The following MYO3B variants were observed in gnomAD, a reference collection of about 807,000 sequenced individuals.
MYO3B encodes the protein myosin-IIIb.
A neutral mutation model predicts 174.6 loss-of-function variants in MYO3B; 156 were observed. The ratio of observed to expected loss-of-function variants is 0.89; its 90% CI spans 0.78 to 1.02. MYO3B has a LOEUF of 1.02. Among genes scored for constraint, MYO3B ranks in the 50% least tolerant of loss-of-function variants. MYO3B has a pLI of 0.00. For missense variants in MYO3B, 1,632 were observed against 1,639.4 expected, an observed-to-expected ratio of 1.00 and a Z score of 0.08; for synonymous variants, 563 against 569.1, an observed-to-expected ratio of 0.99 and a Z score of 0.15.
chr2:170,471,260 G>A (rs1240399768), intron 25 of MYO3B, among the ~76,000 whole-genome samples: 1 of 152,016 alleles, frequency 6.6e-6, no homozygotes, highest in Non-Finnish European at 1.5e-5. Context: ...ATGTTGGTCA[G>A]GGTGGTCTCG....
At chr2:170,341,790 G>A (rs1286528750) in intron 8 of MYO3B, among the ~76,000 whole-genome samples, 1 of 152,126 alleles carries the variant, frequency 6.6e-6, no homozygotes, top group African/African-American at 2.4e-5. Flanking sequence ...AAAGCTATGT[G>A]TGAACTTCAA....
At chr2:170,267,198 C>T (rs1217716193) in intron 7 of MYO3B, among the ~76,000 whole-genome samples, 1 of 152,196 alleles carries the variant, frequency 6.6e-6, no homozygotes, top group Non-Finnish European at 1.5e-5. Flanking sequence ...GGAACCCAGC[C>T]TGACAGAGGC....
At chr2:170,207,509 G>A (rs751558586) in intron 3 of MYO3B, among the ~76,000 whole-genome samples, 61 of 152,172 alleles carry the variant, frequency 4.0e-4, no homozygotes, top group African/African-American at 8.2e-4. Flanking sequence ...TTCTGCCATC[G>A]TGTCAGGCTT....
chr2:170,584,182 T>C (rs999958885), intron 32 of MYO3B, among the ~76,000 whole-genome samples: 2 of 152,252 alleles, frequency 1.3e-5, no homozygotes, highest in African/African-American at 4.8e-5. Context: ...TCATCCAGGA[T>C]TGTGGTCCCC....
chr2:170,554,250 G>A (rs1335836713), intron 32 of MYO3B, among the ~76,000 whole-genome samples: 1 of 152,204 alleles, frequency 6.6e-6, no homozygotes, highest in African/African-American at 2.4e-5. Flanking sequence ...TGAGGGCTCT[G>A]TTCAAAACTG....
At chr2:170,383,875 G>C (rs992128419) in intron 12 of MYO3B, 61 bp downstream of exon 12, 22 of 1,338,822 alleles carry the variant, frequency 1.6e-5, no homozygotes, top group Non-Finnish European at 2.3e-5. Context: ...TGTCTTCCTC[G>C]TCAACTCCTA....
At chr2:170,419,212 C>T (rs538877576) in intron 22 of MYO3B, among the ~76,000 whole-genome samples, 27 of 152,140 alleles carry the variant, frequency 1.8e-4, no homozygotes, top group Non-Finnish European at 2.6e-4. Context: ...TGTCAGCCTC[C>T]GAGGATCAGG....
chr2:170,385,627 A>G (rs1175666394), intron 12 of MYO3B, among the ~76,000 whole-genome samples: 1 of 152,206 alleles, frequency 6.6e-6, no homozygotes, highest in Non-Finnish European at 1.5e-5. Context: ...TGTAAAAGAA[A>G]AGCCTCTTAA....
intron 8 of MYO3B, among the ~76,000 whole-genome samples, chr2:170,358,441 G>T (rs2105634517): frequency 6.6e-6 from 1 of 152,194 alleles, no homozygotes; most frequent in African/African-American, 2.4e-5. Flanking sequence ...GGGAGTATAG[G>T]GTGTGAATGC....
At chr2:170,627,100 C>T (rs1170404989) in intron 32 of MYO3B, among the ~76,000 whole-genome samples, 1 of 151,992 alleles carries the variant, frequency 6.6e-6, no homozygotes, top group Non-Finnish European at 1.5e-5. Context: ...TGTTGGCCTG[C>T]CTTGCTAGGT....
At chr2:170,451,804 G>A (rs1683608262) in intron 23 of MYO3B, among the ~76,000 whole-genome samples, 1 of 152,180 alleles carries the variant, frequency 6.6e-6, no homozygotes, top group Admixed American at 6.5e-5. Flanking sequence ...AGGAAAGCTT[G>A]CAGTTTTCAG....
At chr2:170,522,626 C>T (rs1688747621) in intron 30 of MYO3B, among the ~76,000 whole-genome samples, 1 of 152,158 alleles carries the variant, frequency 6.6e-6, no homozygotes, top group African/African-American at 2.4e-5. Context: ...TGTTCCACGC[C>T]TCTCTCTAGC....
intron 32 of MYO3B, among the ~76,000 whole-genome samples, chr2:170,623,021 C>T (rs866240931): frequency 5.9e-5 from 9 of 152,070 alleles, no homozygotes; most frequent in African/African-American, 1.4e-4. Flanking sequence ...TGAGTAGTGC[C>T]GCAGTAAACA....
At chr2:170,373,688 G>A (rs1033262785) in intron 9 of MYO3B, among the ~76,000 whole-genome samples, 1 of 152,106 alleles carries the variant, frequency 6.6e-6, no homozygotes, top group Admixed American at 6.5e-5. Context: ...GCAAGAGGGA[G>A]TGGGTCAGGG....
intron 25 of MYO3B, among the ~76,000 whole-genome samples, chr2:170,478,077 A>G (rs886387224): frequency 2.0e-5 from 3 of 152,202 alleles, no homozygotes; most frequent in African/African-American, 4.8e-5. Context: ...CCACGTCTCT[A>G]CTATTTTTTA....
chr2:170,199,353 G>A lies in MYO3B; in HGVS notation c.148G>A (p.Gly50Arg), dbSNP rs774459102. Residue 50 changes from glycine to arginine, a missense_variant, in exon 2 of 35, where the codon GGG becomes AGG. By Grantham distance (125) the Gly-to-Arg change is moderately radical. Coordinates refer to ENST00000408978, the MANE Select transcript of MYO3B (RefSeq NM_138995.5). ...CTACAAGGTAACTAACAAGAGAGAT[G>A]GGAGCCTGGCTGCAGTGAAAATTCT... ...KVYKVTNKRD[G>R]SLAAVKILDP... 2.7e-5 allele frequency: 43 copies of A among 1,612,568 alleles called. No individual in the cohort carries two copies. Among genetic ancestry groups the A allele is most frequent in the Non-Finnish European group, 3.6e-5 (42 of 1,179,390 alleles).
chr2:170,403,020 A>G (rs775387515), intron 19 of MYO3B, 25 bp downstream of exon 19: 3 of 1,549,952 alleles, frequency 1.9e-6, no homozygotes, highest in Admixed American at 3.4e-5. Context: ...TGAGGTAACT[A>G]AACTTGATGG....
chr2:170,282,362 A>C (rs970451120), intron 7 of MYO3B, among the ~76,000 whole-genome samples: 4 of 152,254 alleles, frequency 2.6e-5, no homozygotes, highest in Non-Finnish European at 5.9e-5. Context: ...GGAAAAGGTG[A>C]CCTTTCTCAC....
At chr2:170,273,355 A>G (rs534586742) in intron 7 of MYO3B, among the ~76,000 whole-genome samples, 1 of 152,122 alleles carries the variant, frequency 6.6e-6, no homozygotes, top group South Asian at 2.1e-4. Context: ...CTTGCTGTAT[A>G]TTATCCCAAT....
Sources: gnomAD v4.1 joint callset for allele counts (sites outside exome capture counted in the v4.1 genomes callset) on GRCh38, gnomAD v4.1.1 for gene constraint, MANE v1.5 for transcripts, NCBI Gene and HGNC (gene_info 2026-07-23, HGNC 2026-07-21) for gene names.